MYO16: variants seen among roughly 807,000 people sequenced by gnomAD.
The protein encoded by MYO16 is myosin XVI.
MYO16 carries 94 observed loss-of-function variants against 205.3 expected under a neutral mutation model. That is an observed-to-expected ratio of 0.46 (90% CI 0.39 to 0.54). The LOEUF (loss-of-function observed/expected upper bound fraction) is 0.54, where lower values mean the gene tolerates loss of function less well. MYO16 is among the 20% of genes least tolerant of loss of function. The pLI is 0.00. For missense variants in MYO16, 2,315 were observed against 2,387.5 expected (o/e 0.97, Z 0.63); for synonymous variants, 988 against 954.0 (o/e 1.04, Z -0.66).
At chr13:109,048,443 T>C in intron 24 of MYO16, 1 of 615,016 alleles carries the variant, frequency 1.6e-6, no homozygotes, top group Non-Finnish European at 3.0e-6. Context: ...AGAATAAATA[T>C]TTTAGACCTT....
At chr13:109,087,953 TG>T (rs1283977552) in intron 27 of MYO16, among the ~76,000 whole-genome samples, 1 of 152,218 alleles carries the variant, frequency 6.6e-6, no homozygotes, top group African/African-American at 2.4e-5. Context: ...AAGCTGTTCT[TG>T]TACCTGATAA....
At chr13:108,695,970 A>G (rs1883076506) in intron 2 of MYO16, among the ~76,000 whole-genome samples, 1 of 152,228 alleles carries the variant, frequency 6.6e-6, no homozygotes, top group Non-Finnish European at 1.5e-5. Context: ...AAGAGAAACC[A>G]CTGCTAAAAT....
chr13:109,023,675 A>G, intron 23 of MYO16, among the ~76,000 whole-genome samples: 1 of 130,180 alleles, frequency 7.7e-6, no homozygotes, highest in Non-Finnish European at 1.6e-5. Context: ...ATGCAAATAT[A>G]TGTATATATA....
At chr13:108,994,681 G>A (rs544667067) in intron 21 of MYO16, among the ~76,000 whole-genome samples, 24 of 152,168 alleles carry the variant, frequency 1.6e-4, no homozygotes, top group Admixed American at 4.6e-4. Context: ...TCTGTTTTGC[G>A]CTTATTGACC....
At chr13:108,653,584 A>T (rs1158215822) in intron 1 of MYO16, among the ~76,000 whole-genome samples, 3 of 151,104 alleles carry the variant, frequency 2.0e-5, no homozygotes, top group Admixed American at 6.6e-5. Flanking sequence ...GTCCAATTTT[A>T]TTTTTTTGCA....
At chr13:108,880,920 G>A (rs1327692400) in intron 12 of MYO16, among the ~76,000 whole-genome samples, 1 of 152,190 alleles carries the variant, frequency 6.6e-6, no homozygotes, top group Non-Finnish European at 1.5e-5. Context: ...GTAGCTTGAT[G>A]AAGATGGCAT....
chr13:108,896,684 C>T (rs1880427136), intron 14 of MYO16, among the ~76,000 whole-genome samples: 1 of 152,196 alleles, frequency 6.6e-6, no homozygotes. Context: ...GGGATCAAAG[C>T]AGCCGCGCGT....
At chr13:108,899,644 G>A (rs913914602) in intron 15 of MYO16, among the ~76,000 whole-genome samples, 2 of 152,076 alleles carry the variant, frequency 1.3e-5, no homozygotes, top group Non-Finnish European at 2.9e-5. Context: ...CACCTGGCTG[G>A]GTGTGCTCCT....
At chr13:109,087,117 C>G (rs1594073562) in intron 27 of MYO16, among the ~76,000 whole-genome samples, 1 of 152,220 alleles carries the variant, frequency 6.6e-6, no homozygotes, top group African/African-American at 2.4e-5. Context: ...GCCACACTTT[C>G]CGAAGGAGGT....
At chr13:109,065,076 G>C (rs866532915) in intron 27 of MYO16, among the ~76,000 whole-genome samples, 1 of 152,134 alleles carries the variant, frequency 6.6e-6, no homozygotes, top group African/African-American at 2.4e-5. Context: ...GGATGCACAC[G>C]ATGGTCCCTT....
intron 1 of MYO16, among the ~76,000 whole-genome samples, chr13:108,617,596 C>T (rs1879393921): frequency 6.6e-6 from 1 of 152,118 alleles, no homozygotes; most frequent in Admixed American, 6.5e-5. Context: ...GGTTGTCTCT[C>T]AGGGCCTAGT....
At chr13:109,137,356 A>AAG (rs1876826732) in intron 31 of MYO16, among the ~76,000 whole-genome samples, 1 of 152,250 alleles carries the variant, frequency 6.6e-6, no homozygotes, top group Admixed American at 6.5e-5. Flanking sequence ...CAGATTCTGG[A>AAG]AGAGCATGTG....
intron 32 of MYO16, among the ~76,000 whole-genome samples, chr13:109,149,568 G>C (rs1292721261): frequency 6.6e-6 from 1 of 152,164 alleles, no homozygotes; most frequent in Non-Finnish European, 1.5e-5. Context: ...CAAGGTCTCT[G>C]TTTGAGAAAG....
chr13:108,860,375 G>A (rs984479408), intron 11 of MYO16, among the ~76,000 whole-genome samples: 2 of 152,110 alleles, frequency 1.3e-5, no homozygotes, highest in African/African-American at 4.8e-5. Flanking sequence ...CCTCTATGAT[G>A]CACATGTACC....
chr13:109,159,997 C>T (rs1878296493), intron 32 of MYO16, among the ~76,000 whole-genome samples: 2 of 152,218 alleles, frequency 1.3e-5, no homozygotes, highest in Admixed American at 1.3e-4. Context: ...TGTTTTAAAG[C>T]GAGGTTTCTC....
intron 9 of MYO16, among the ~76,000 whole-genome samples, chr13:108,825,884 A>G (rs937918651): frequency 1.3e-5 from 2 of 151,974 alleles, no homozygotes; most frequent in Admixed American, 1.3e-4. Context: ...CATAAGAAAA[A>G]CAAAATACAA....
At chr13:108,821,943 T>C (rs1566350979) in intron 8 of MYO16, among the ~76,000 whole-genome samples, 1 of 152,146 alleles carries the variant, frequency 6.6e-6, no homozygotes, top group Non-Finnish European at 1.5e-5. Flanking sequence ...TGAATAAAAA[T>C]ACTTTTATCA....
intron 1 of MYO16, among the ~76,000 whole-genome samples, chr13:108,621,089 C>T (rs1879525026): frequency 6.6e-6 from 1 of 152,214 alleles, no homozygotes; most frequent in South Asian, 2.1e-4. Flanking sequence ...CTAATCTCTT[C>T]CTACTCATCC....
upstream of MYO16, chr13:108,629,329 T>A (rs1879867585): frequency 6.6e-6 from 1 of 152,570 alleles, no homozygotes; most frequent in African/African-American, 2.4e-5. Context: ...TCCGCTTTAC[T>A]ACCAGCTAAG....
Sources: gnomAD v4.1 joint callset for allele counts (sites outside exome capture counted in the v4.1 genomes callset) on GRCh38, gnomAD v4.1.1 for gene constraint, MANE v1.5 for transcripts, NCBI Gene and HGNC (gene_info 2026-07-23, HGNC 2026-07-21) for gene names.